FSTL4: variants seen among roughly 807,000 people sequenced by gnomAD.
The protein encoded by FSTL4 is follistatin-related protein 4.
A neutral mutation model predicts 78.2 loss-of-function variants in FSTL4; 28 were observed. That is an observed-to-expected ratio of 0.36 (90% CI 0.27 to 0.49). The LOEUF (loss-of-function observed/expected upper bound fraction) is 0.49. Ranked by LOEUF, FSTL4 falls within the 20% of genes least tolerant of loss-of-function variation. The pLI is 0.98. For synonymous variants in FSTL4, 422 were observed against 440.5 expected (o/e 0.96, Z 0.53); for missense variants, 922 against 1,084.9 (o/e 0.85, Z 2.11).
intron 4 of FSTL4, among the ~76,000 whole-genome samples, chr5:133,325,359 A>G (rs1754183625): frequency 6.6e-6 from 1 of 152,062 alleles, no homozygotes; most frequent in Non-Finnish European, 1.5e-5. Context: ...GGTGGGGGGA[A>G]TCCCCAGGCC....
intron 3 of FSTL4, among the ~76,000 whole-genome samples, chr5:133,469,961 A>AT (rs1027836936): frequency 1.3e-5 from 2 of 151,976 alleles, no homozygotes; most frequent in African/African-American, 4.8e-5. Flanking sequence ...AAACAGAAGA[A>AT]TTTTTTGCCT....
At chr5:133,349,907 T>C (rs921730153) in intron 4 of FSTL4, among the ~76,000 whole-genome samples, 9 of 147,680 alleles carry the variant, frequency 6.1e-5, no homozygotes, top group African/African-American at 2.3e-4. Context: ...GGATGGACTT[T>C]ATGTTTGTCA....
chr5:133,515,110 C>A (rs965846409), intron 3 of FSTL4, among the ~76,000 whole-genome samples: 13 of 152,042 alleles, frequency 8.6e-5, no homozygotes, highest in African/African-American at 3.1e-4. Flanking sequence ...ACAGATAAAT[C>A]TAAATAAATG....
At chr5:133,358,265 T>C (rs374428821) in intron 4 of FSTL4, among the ~76,000 whole-genome samples, 2 of 152,224 alleles carry the variant, frequency 1.3e-5, no homozygotes, top group South Asian at 4.1e-4. Flanking sequence ...TAAGGGGACA[T>C]ACTCATAGTT....
At chr5:133,642,247 T>A in the FSTL4 span, among the ~76,000 whole-genome samples, 1 of 152,190 alleles carries the variant, frequency 6.6e-6, no homozygotes. Flanking sequence ...ATAGAAGTGC[T>A]ACCAGCGTTA....
At chr5:133,599,716 A>C (rs1760815433) in intron 2 of FSTL4, among the ~76,000 whole-genome samples, 1 of 152,220 alleles carries the variant, frequency 6.6e-6, no homozygotes, top group Admixed American at 6.5e-5. Context: ...TGGTGCTGGA[A>C]CACGACACCC....
chr5:133,325,386 C>G (rs953595873), intron 4 of FSTL4, among the ~76,000 whole-genome samples: 1 of 152,160 alleles, frequency 6.6e-6, no homozygotes, highest in African/African-American at 2.4e-5. Context: ...AGACCACAGC[C>G]CCATGAGTCT....
the FSTL4 span, among the ~76,000 whole-genome samples, chr5:133,732,598 C>T: frequency 3.3e-5 from 5 of 152,218 alleles, no homozygotes; most frequent in Admixed American, 3.3e-4. Flanking sequence ...CTGACTACCC[C>T]TTGCACAGCC....
chr5:133,756,470 G>T, the FSTL4 span, among the ~76,000 whole-genome samples: 3 of 152,002 alleles, frequency 2.0e-5, no homozygotes, highest in Admixed American at 1.3e-4. Flanking sequence ...TAGTTGAGAA[G>T]GATCATAGGG....
At chr5:133,497,366 G>T (rs1230998917) in intron 3 of FSTL4, among the ~76,000 whole-genome samples, 2 of 152,212 alleles carry the variant, frequency 1.3e-5, no homozygotes, top group African/African-American at 4.8e-5. Flanking sequence ...CTCATAGAGG[G>T]GTTGGGGAAA....
the FSTL4 span, among the ~76,000 whole-genome samples, chr5:133,763,559 G>A: frequency 2.6e-5 from 4 of 152,114 alleles, no homozygotes; most frequent in Admixed American, 6.6e-5. Flanking sequence ...AGCATCTGCT[G>A]GACCAGCTGA....
At chr5:133,618,899 T>C in the FSTL4 span, among the ~76,000 whole-genome samples, 1 of 152,224 alleles carries the variant, frequency 6.6e-6, no homozygotes, top group Admixed American at 6.5e-5. Flanking sequence ...GTATATTTAA[T>C]TAGTTGTCCT....
At chr5:133,228,476 C>G (rs1182626186) in intron 8 of FSTL4, among the ~76,000 whole-genome samples, 4 of 152,178 alleles carry the variant, frequency 2.6e-5, no homozygotes. Context: ...GCAAAAAAGA[C>G]TACACACTGA....
At chr5:133,242,572 G>A (rs1415590174) in intron 7 of FSTL4, among the ~76,000 whole-genome samples, 5 of 152,128 alleles carry the variant, frequency 3.3e-5, no homozygotes, top group Non-Finnish European at 5.9e-5. Context: ...AGAGGACCTC[G>A]AAAGAGGCAC....
chr5:133,249,322 C>T (rs1752138102), intron 7 of FSTL4, 88 bp downstream of exon 7: 2 of 1,035,932 alleles, frequency 1.9e-6, no homozygotes, highest in Non-Finnish European at 3.0e-6. Flanking sequence ...CTAAAACTCT[C>T]CCGTCCTGCC....
chr5:133,788,086 T>A, the FSTL4 span, among the ~76,000 whole-genome samples: 1 of 152,084 alleles, frequency 6.6e-6, no homozygotes, highest in Non-Finnish European at 1.5e-5. Flanking sequence ...GGGACAACAC[T>A]CAACAGAGGA....
chr5:133,780,014 G>A, the FSTL4 span, among the ~76,000 whole-genome samples: 4 of 152,146 alleles, frequency 2.6e-5, no homozygotes, highest in Non-Finnish European at 5.9e-5. Context: ...ATACCTCTGG[G>A]GAGCCCTGGA....
chr5:133,343,131 C>A (rs1754619975), intron 4 of FSTL4, among the ~76,000 whole-genome samples: 2 of 152,172 alleles, frequency 1.3e-5, no homozygotes, highest in Non-Finnish European at 2.9e-5. Context: ...AGGGCTCAGG[C>A]CACTTGTCCT....
chr5:133,535,868 A>T (rs978307264), intron 3 of FSTL4, among the ~76,000 whole-genome samples: 1 of 152,240 alleles, frequency 6.6e-6, no homozygotes, highest in Non-Finnish European at 1.5e-5. Flanking sequence ...GTGAAGAGGA[A>T]GTAAACATTC....
Sources: allele counts gnomAD v4.1 joint callset (sites outside exome capture counted in the v4.1 genomes callset), GRCh38; gene constraint gnomAD v4.1.1; transcripts MANE v1.5; gene names NCBI Gene and HGNC (gene_info 2026-07-23, HGNC 2026-07-21).